The following AMZ1 variants were observed in gnomAD, a reference collection of about 807,000 sequenced individuals.
AMZ1 encodes archaelysin family metallopeptidase 1.
AMZ1 carries 39 observed loss-of-function variants against 29.9 expected under a neutral mutation model. The ratio of observed to expected loss-of-function variants is 1.30; its 90% CI spans 1.01 to 1.70. The LOEUF (loss-of-function observed/expected upper bound fraction) is 1.70. Ranked by LOEUF, AMZ1 falls within the 40% of genes most tolerant of loss-of-function variation. The pLI is 0.00. For missense variants in AMZ1, 1,041 were observed against 680.6 expected, an observed-to-expected ratio of 1.53 and a Z score of -5.89; for synonymous variants, 458 against 304.0, an observed-to-expected ratio of 1.51 and a Z score of -5.27.
chr7:2,756,299 T>G (rs1791291083), intron 4 of AMZ1, among the ~76,000 whole-genome samples: 1 of 152,164 alleles, frequency 6.6e-6, no homozygotes, highest in African/African-American at 2.4e-5. Context: ...AAAAGGACAT[T>G]GATTCTAACT....
chr7:2,739,121 C>A (rs73049305), intron 4 of AMZ1, among the ~76,000 whole-genome samples: 2 of 152,204 alleles, frequency 1.3e-5, no homozygotes, highest in East Asian at 1.9e-4. Context: ...CCACGCCGGG[C>A]CCCTAAAGCA....
intron 1 of AMZ1, among the ~76,000 whole-genome samples, chr7:2,689,119 G>T (rs142823403): frequency 1.0e-3 from 159 of 152,364 alleles, no homozygotes; most frequent in African/African-American, 3.7e-3. Context: ...CCATCCGTCC[G>T]TCTGGTTCTG....
At chr7:2,763,191 A>ACACACACACACACACAC (rs1791652924), upstream of AMZ1, 8 of 222,640 alleles carry the variant, frequency 3.6e-5, no homozygotes, top group Non-Finnish European at 3.8e-5. Context: ...AAGACACCCC[A>ACACACACACACACACAC]ACACACACAC....
At position 2,702,908 on chromosome 7, in the gene AMZ1, C is replaced by T. The variant is rs111765943; in HGVS notation, c.472+19C>T. On this transcript the variant is annotated intron_variant, in intron 3 of 6. Coordinates refer to ENST00000683327, the MANE Select transcript of AMZ1 (RefSeq NM_001384743.1). ...CACACAGGTGAGTGAGGACGGCAGC[C>T]GCCGCTCAGGCCAAGGCAGGCCCCT... 279 of 1,572,880 alleles carry T rather than the reference C, an allele frequency of 1.8e-4. 2 individuals are homozygous for T. Among genetic ancestry groups the T allele is most frequent in the African/African-American group, 1.2e-3 (88 of 74,284 alleles).
intron 6 of AMZ1, among the ~76,000 whole-genome samples, chr7:2,711,348 TGAA>T (rs1391843541): frequency 6.6e-6 from 1 of 152,186 alleles, no homozygotes; most frequent in African/African-American, 2.4e-5. Context: ...AAATGCCTCT[TGAA>T]GAAAGCCTGA....
rs780513535 is a variant in AMZ1 at position 2,702,784 on chromosome 7, T to G, written c.367T>G (p.Phe123Val). The G allele has an allele frequency of 3.9e-6, 6 of 1,544,918 alleles. No homozygotes were observed. Among genetic ancestry groups the G allele is most frequent in the Non-Finnish European group, 5.2e-6 (6 of 1,147,912 alleles). ...CCAGCTGTGCAGCTGCACAGAGGCC[T>G]TCTTCCTGGGCCTGCGCGTCAAGTG... ...LHQLCSCTEA[F>V]FLGLRVKCLP... Residue 123 changes from phenylalanine to valine, a missense_variant, in exon 3 of 7, where the codon TTC (phenylalanine) becomes GTC (valine). Transcript: ENST00000683327.
At chr7:2,734,375 C>T (rs1034709856) in intron 4 of AMZ1, among the ~76,000 whole-genome samples, 6 of 152,236 alleles carry the variant, frequency 3.9e-5, no homozygotes, top group Non-Finnish European at 5.9e-5. Context: ...AAGACAGACA[C>T]CAGCAGGCGG....
chr7:2,757,056 C>T (rs1791332614), intron 4 of AMZ1, among the ~76,000 whole-genome samples: 1 of 150,018 alleles, frequency 6.7e-6, no homozygotes, highest in South Asian at 2.1e-4. Flanking sequence ...GTCTGGGCAA[C>T]AGAGCGATAC....
intron 4 of AMZ1, among the ~76,000 whole-genome samples, chr7:2,751,385 T>C (rs1377102307): frequency 1.4e-5 from 2 of 142,462 alleles, no homozygotes; most frequent in Non-Finnish European, 1.5e-5. Context: ...AGCAAGACCG[T>C]TTCAAAGAAA....
At chr7:2,697,687 A>G (rs146168655) in intron 1 of AMZ1, among the ~76,000 whole-genome samples, 221 of 152,338 alleles carry the variant, frequency 1.5e-3, no homozygotes, top group African/African-American at 4.8e-3. Context: ...AGCCTCCTGA[A>G]GTGCTGGGAT....
upstream of AMZ1, among the ~76,000 whole-genome samples, chr7:2,685,096 T>C (rs200689388): frequency 2.2e-3 from 337 of 151,584 alleles, 4 homozygotes; most frequent in South Asian, 0.018. Context: ...GTCTTGATCT[T>C]CTGACCTCGT....
chr7:2,705,300 C>A (rs552233051), intron 3 of AMZ1, among the ~76,000 whole-genome samples: 2 of 152,254 alleles, frequency 1.3e-5, no homozygotes, highest in African/African-American at 2.4e-5. Flanking sequence ...TCATCCTGCC[C>A]ACTCCCCCAC....
rs1562381231 is a variant in AMZ1 at position 2,718,137 on chromosome 7, G to GT, written c.*5259_*5260insT. Among the ~76,000 whole-genome samples, 1 of 152,172 alleles carries GT rather than the reference G, an allele frequency of 6.6e-6. No individual in the cohort carries two copies. The highest frequency in any genetic ancestry group is 1.9e-4 in the East Asian group (1 of 5,194). Reference sequence around the variant, plus strand: ...AGATTCCACCACTGAGGCCTCCCTCGATGCCTGCTCCCTGGGCTTTTTAAT... The same window carrying GT: ...AGATTCCACCACTGAGGCCTCCCTCGTATGCCTGCTCCCTGGGCTTTTTAAT... On this transcript the variant is annotated 3_prime_UTR_variant, in exon 7 of 7. Transcript: ENST00000683327.
At chr7:2,696,210 A>G (rs1004495246) in intron 1 of AMZ1, among the ~76,000 whole-genome samples, 4 of 151,496 alleles carry the variant, frequency 2.6e-5, no homozygotes, top group African/African-American at 9.7e-5. Flanking sequence ...GGTTAAAGCA[A>G]TGAAGCCCTG....
At chr7:2,711,735 T>A (rs570883932) in intron 6 of AMZ1, among the ~76,000 whole-genome samples, 68 of 152,302 alleles carry the variant, frequency 4.5e-4, no homozygotes, top group African/African-American at 1.5e-3. Context: ...TTTAAAATTT[T>A]AAATTTTATT....
chr7:2,696,678 G>A (rs1787767365), intron 1 of AMZ1, among the ~76,000 whole-genome samples: 1 of 151,802 alleles, frequency 6.6e-6, no homozygotes, highest in Non-Finnish European at 1.5e-5. Context: ...TTGAGGTCAG[G>A]AGTTCAAGAC....
At chr7:2,721,118 CACTGGGTG>C (rs1285228745), downstream of AMZ1, among the ~76,000 whole-genome samples, 1 of 152,186 alleles carries the variant, frequency 6.6e-6, no homozygotes, top group Non-Finnish European at 1.5e-5. Flanking sequence ...ATTGAAGACA[CACTGGGTG>C]GCGCGGGAGG....
intron 1 of AMZ1, among the ~76,000 whole-genome samples, chr7:2,689,656 C>T (rs906338905): frequency 1.2e-4 from 18 of 152,230 alleles, no homozygotes; most frequent in Admixed American, 7.9e-4. Context: ...GTTTCCCCAC[C>T]TGAAACACCG....
intron 3 of AMZ1, among the ~76,000 whole-genome samples, chr7:2,705,130 A>T (rs957775171): frequency 1.3e-5 from 2 of 152,194 alleles, no homozygotes; most frequent in Non-Finnish European, 2.9e-5. Context: ...AACTTTGAGA[A>T]TTTTTGGCCT....
Sources: gnomAD v4.1 joint callset for allele counts (sites outside exome capture counted in the v4.1 genomes callset) on GRCh38, gnomAD v4.1.1 for gene constraint, MANE v1.5 for transcripts, NCBI Gene and HGNC (gene_info 2026-07-23, HGNC 2026-07-21) for gene names.